ARHGEF40: variants seen among roughly 807,000 people sequenced by gnomAD.
ARHGEF40 encodes Rho guanine nucleotide exchange factor (GEF) 40.
In ARHGEF40, 98 loss-of-function variants were observed where a neutral mutation model predicts 165.9. That is an observed-to-expected ratio of 0.59 (90% confidence interval 0.50 to 0.70). The LOEUF (loss-of-function observed/expected upper bound fraction) is 0.70, where lower values mean the gene tolerates loss of function less well. Ranked by LOEUF, ARHGEF40 falls within the 30% of genes least tolerant of loss-of-function variation. The pLI is 0.00. For synonymous variants in ARHGEF40, 792 were observed against 814.3 expected (o/e 0.97, Z 0.47); for missense variants, 1,815 against 1,968.0 (o/e 0.92, Z 1.47).
At chr14:21,083,586 C>T (rs745873703) in intron 16 of ARHGEF40, among the ~76,000 whole-genome samples, 1 of 152,110 alleles carries the variant, frequency 6.6e-6, no homozygotes, top group Non-Finnish European at 1.5e-5. Flanking sequence ...AGTTCAAAGC[C>T]AGAAAGTAAA....
At chr14:21,079,708 G>A (rs1458874757) in intron 11 of ARHGEF40, among the ~76,000 whole-genome samples, 5 of 152,128 alleles carry the variant, frequency 3.3e-5, no homozygotes, top group African/African-American at 4.8e-5. Context: ...CCTCAGGGCC[G>A]GTGCAAAAGC....
chr14:21,071,680 T>C (rs1408649759), intron 1 of ARHGEF40, among the ~76,000 whole-genome samples: 2 of 148,026 alleles, frequency 1.4e-5, no homozygotes, highest in African/African-American at 2.5e-5. Context: ...CCGCCCCTAA[T>C]GGGTTGCAGC....
In ARHGEF40 at chr14:21,088,072, C is replaced by T. The variant is rs749327238; in HGVS notation, c.4492C>T (p.Arg1498Ter). ...PGSSTPTLASRGILGLSRQSH... is the reference protein window; with the variant it reads ...PGSSTPTLAS ...GAGCAGCACTCCCACCCTGGCCAGT[C>T]GAGGGATCTTAGGGCTATCCCGACA... Residue 1498 changes from arginine to a stop codon, truncating the protein, a stop_gained, in exon 22 of 24, where the codon CGA becomes TGA. Coordinates refer to ENST00000298694, the MANE Select transcript of ARHGEF40 (RefSeq NM_018071.5). LOFTEE classifies it high-confidence loss of function. 5.0e-6 allele frequency: 8 copies of T among 1,613,392 alleles called. No individual in the cohort carries two copies. The highest frequency in any genetic ancestry group is 2.7e-5 in the African/African-American group (2 of 74,884).
chr14:21,062,988 T>C, the ARHGEF40 span, among the ~76,000 whole-genome samples: 1 of 149,672 alleles, frequency 6.7e-6, no homozygotes, highest in Non-Finnish European at 1.5e-5. Context: ...TAGCCAGGTG[T>C]AGGGGTGCAC....
rs143750925 is a variant in ARHGEF40 at position 21,080,993 on chromosome 14, C to T, written c.2617C>T (p.Arg873Trp). 85 of 1,613,760 alleles carry T rather than the reference C, an allele frequency of 5.3e-5. No homozygotes were observed. The highest frequency in any genetic ancestry group is 1.1e-4 in the South Asian group (10 of 91,052). ...QVESGLHRAL[R>W]LQRFFQQAHE... ...TGAGAGTGGCCTCCATCGGGCCCTG[C>T]GGCTACAGCGCTTCTTCCAGCAGGT... Residue 873 changes from arginine to tryptophan, a missense_variant, in exon 13 of 24, where the codon CGG (arginine) becomes TGG (tryptophan). By Grantham distance (101) the Arg-to-Trp change is moderately radical (BLOSUM62 -3). Transcript: ENST00000298694.
At chr14:21,081,451 G>C (rs544002694) in intron 13 of ARHGEF40, 58 bp from the exon 14 acceptor site, 25 of 1,579,344 alleles carry the variant, frequency 1.6e-5, no homozygotes, top group Non-Finnish European at 2.1e-5. Context: ...GGCATCCTTC[G>C]TGAGCAACAC....
chr14:21,068,753 T>TG (rs1407221247), upstream of ARHGEF40, among the ~76,000 whole-genome samples: 1 of 152,192 alleles, frequency 6.6e-6, no homozygotes, highest in Admixed American at 6.5e-5. Context: ...GCGGGGAAGA[T>TG]GGTTACCGGG....
At chr14:21,061,570 G>A in the ARHGEF40 span, among the ~76,000 whole-genome samples, 2 of 151,810 alleles carry the variant, frequency 1.3e-5, no homozygotes, top group Admixed American at 1.3e-4. Context: ...TCTCTACTGG[G>A]TGTGTTCTCT....
chr14:21,080,237 CACACACACACA>C (rs760511206), intron 11 of ARHGEF40, among the ~76,000 whole-genome samples: 13,502 of 144,424 alleles, frequency 0.093, 655 homozygotes, highest in South Asian at 0.14. Flanking sequence ...CACACACACA[CACACACACACA>C]CCCCTTCTGT....
At chr14:21,081,190 C>G in intron 13 of ARHGEF40, 174 bp downstream of exon 13, 1 of 1,059,136 alleles carries the variant, frequency 9.4e-7, no homozygotes, top group Non-Finnish European at 1.3e-6. Flanking sequence ...GATACTAAAC[C>G]TGACTGTGCC....
intron 11 of ARHGEF40, 22 bp from the exon 12 acceptor site, chr14:21,080,638 C>T: frequency 6.2e-7 from 1 of 1,601,896 alleles, no homozygotes; most frequent in South Asian, 1.1e-5. Context: ...GACCCCCTGC[C>T]CTCCCACCCC....
the ARHGEF40 span, among the ~76,000 whole-genome samples, chr14:21,065,115 G>C: frequency 6.6e-6 from 1 of 151,702 alleles, no homozygotes; most frequent in Non-Finnish European, 1.5e-5. Context: ...AGGTTGCAGT[G>C]AGTCGAGATT....
Position 21,070,856 on chromosome 14 carries a change from G to A in ARHGEF40, c.3+457G>A, listed in dbSNP as rs1322732235. On this transcript the variant is annotated intron_variant, in intron 1 of 23. Transcript: ENST00000298694. The surrounding 1 kb of genome is among the most constrained non-coding windows in gnomAD (Gnocchi z 4.7). ...CATGGAACCACCATTTTCCATCCCT[G>A]TCCCCAACCCGGTGAGGCAGGCCCA... The A allele has an allele frequency of 1.3e-6, 2 of 1,535,486 alleles. No homozygotes were observed. Among genetic ancestry groups the A allele is most frequent in the Non-Finnish European group, 1.7e-6 (2 of 1,146,850 alleles).
rs549442706 is a variant in ARHGEF40 at position 21,075,577 on chromosome 14, G to A, written c.1619-68G>A. On this transcript the variant is annotated intron_variant, in intron 4 of 23. Transcript: ENST00000298694. This position sits in a 1 kb window ranked among gnomAD's most constrained non-coding sequence, Gnocchi z 4.5. The stretch of plus-strand genomic sequence containing the variant: ...TGGGTGGGCTTGGGGACTGGGGGAG[G>A]CAGGGTGGAAAGGAGGTAGGCATGG... 1 of 1,613,812 alleles carries A rather than the reference G, an allele frequency of 6.2e-7. No individual in the cohort carries two copies. Among genetic ancestry groups the A allele is most frequent in the Admixed American group, 1.7e-5 (1 of 60,010 alleles).
rs538579269 is a variant in ARHGEF40, at chr14:21,071,019, G to A, written c.3+620G>A. 594 of 710,068 alleles carry A rather than the reference G, an allele frequency of 8.4e-4. 3 individuals are homozygous for A. The Middle Eastern group carries it at 0.01, about 12-fold the overall frequency. 44.0% of individuals were successfully genotyped at this position (710,068 alleles called of 1,614,324 possible). A position where few individuals can be genotyped will look rare whatever the true frequency, so the allele number is the denominator to read the frequency against. ...GCTTGGGGGGGAGCTCACAGTACCA[G>A]GGGGCGTGACACTGCCAGAGCCGAC... On this transcript the variant is annotated intron_variant, in intron 1 of 23. Coordinates refer to ENST00000298694, the MANE Select transcript of ARHGEF40 (RefSeq NM_018071.5).
chr14:21,078,449 G>C lies in ARHGEF40; in HGVS notation c.2207G>C (p.Gly736Ala), dbSNP rs1887609575. 2.5e-6 allele frequency: 4 copies of C among 1,609,442 alleles called. No individual in the cohort carries two copies. The African/African-American group carries it at 5.3e-5, about 22-fold the overall frequency. ...CTGACGGCACTGCAGAGGGATGGGG[G>C]GGCCATCCTGATGAGGCTGCGCTCC... ...PRLTALQRDG[G>A]AILMRLRSTP... Residue 736 changes from glycine (G) to alanine (A), a missense_variant, in exon 10 of 24, where the codon GGG (glycine) becomes GCG (alanine). Physicochemically the swap from Gly to Ala is moderately conservative, Grantham distance 60. Transcript: ENST00000298694.
Position 21,074,625 on chromosome 14 carries a change from G to T in ARHGEF40, c.895G>T (p.Gly299Cys). Residue 299 changes from glycine to cysteine, a missense_variant, in exon 3 of 24, where the codon GGC becomes TGC. Coordinates refer to ENST00000298694, the MANE Select transcript of ARHGEF40 (RefSeq NM_018071.5). This position sits in a 1 kb window ranked among gnomAD's most constrained non-coding sequence, Gnocchi z 4.8. The part of the protein sequence containing the change: ...WMHQKGLGPR[G>C]QDGARPPGEG... ...GCACCAGAAGGGCCTGGGGCCTCGG[G>T]GCCAGGATGGAGCACGCCCACCCGG... 1 of 1,567,556 alleles carries T rather than the reference G, an allele frequency of 6.4e-7. No homozygotes were observed. The highest frequency in any genetic ancestry group is 8.6e-7 in the Non-Finnish European group (1 of 1,157,466).
rs1888498564 is a variant in ARHGEF40 at position 21,088,050 on chromosome 14, C to A, written c.4470C>A (p.Ser1490Arg). The A allele has an allele frequency of 1.2e-6, 2 of 1,613,786 alleles. No individual in the cohort carries two copies. The highest frequency in any genetic ancestry group is 1.7e-6 in the Non-Finnish European group (2 of 1,179,850). Residue 1490 changes from serine to arginine, a missense_variant, in exon 22 of 24, where the codon AGC becomes AGA. Ser to Arg is a moderately radical substitution (Grantham distance 110, BLOSUM62 -1). Coordinates refer to ENST00000298694, the MANE Select transcript of ARHGEF40 (RefSeq NM_018071.5). Reference protein sequence around the residue: ...SPSLQPPHPGSSTPTLASRGI... With the variant: ...SPSLQPPHPGRSTPTLASRGI... ...GCCTGCAACCCCCCCACCCTGGGAG[C>A]AGCACTCCCACCCTGGCCAGTCGAG...
intron 16 of ARHGEF40, 133 bp from the exon 17 acceptor site, chr14:21,083,702 C>T (rs1888111950): frequency 1.3e-6 from 1 of 769,306 alleles, no homozygotes. Context: ...ATGGTTTTGC[C>T]TTACTTTAGG....
Sources: gnomAD v4.1 joint callset for allele counts (sites outside exome capture counted in the v4.1 genomes callset) on GRCh38, gnomAD v4.1.1 for gene constraint, Gnocchi (gnomAD v3.1) non-coding constraint, MANE v1.5 for transcripts, NCBI Gene and HGNC (gene_info 2026-07-23, HGNC 2026-07-21) for gene names.